MAF: variants seen among roughly 807,000 people sequenced by gnomAD.
MAF encodes the protein transcription factor Maf.
In MAF, 10 loss-of-function variants were observed where a neutral mutation model predicts 22.0. The observed-to-expected ratio is 0.45, with a 90% confidence interval of 0.28 to 0.77. MAF has a LOEUF of 0.77. Among genes scored for constraint, MAF ranks in the 30% least tolerant of loss-of-function variants. The pLI, the probability that MAF is intolerant of heterozygous loss-of-function variation, is 0.12. For synonymous variants in MAF, 337 were observed against 255.8 expected, an observed-to-expected ratio of 1.32 and a Z score of -3.03; for missense variants, 544 against 548.4, an observed-to-expected ratio of 0.99 and a Z score of 0.08.
At chr16:79,487,348 G>A in the MAF span, among the ~76,000 whole-genome samples, 3 of 152,076 alleles carry the variant, frequency 2.0e-5, no homozygotes, top group Non-Finnish European at 4.4e-5. Context: ...AGCCCTCTTG[G>A]GTGTTGAGAA....
the MAF span, among the ~76,000 whole-genome samples, chr16:79,303,241 A>G: frequency 1.3e-5 from 2 of 152,192 alleles, no homozygotes; most frequent in African/African-American, 4.8e-5. Context: ...TACACCTGTC[A>G]TTGTACTGTA....
At chr16:79,373,761 C>A in the MAF span, among the ~76,000 whole-genome samples, 55 of 152,272 alleles carry the variant, frequency 3.6e-4, no homozygotes, top group African/African-American at 1.2e-3. Context: ...CTGCCCCAGA[C>A]TCTGCAAAGT....
At chr16:79,551,352 T>C in the MAF span, among the ~76,000 whole-genome samples, 2 of 152,328 alleles carry the variant, frequency 1.3e-5, no homozygotes, top group Admixed American at 6.5e-5. Context: ...TTCTCTGATA[T>C]GGAGTCTTTC....
At chr16:79,385,390 T>A in the MAF span, among the ~76,000 whole-genome samples, 1 of 152,248 alleles carries the variant, frequency 6.6e-6, no homozygotes, top group African/African-American at 2.4e-5. Context: ...AAAATTCATT[T>A]CATTTTTTAT....
At chr16:79,461,828 C>T in the MAF span, among the ~76,000 whole-genome samples, 1 of 152,106 alleles carries the variant, frequency 6.6e-6, no homozygotes, top group Non-Finnish European at 1.5e-5. Context: ...TGCCAGTTTT[C>T]CACTTCCTTT....
the MAF span, among the ~76,000 whole-genome samples, chr16:79,243,387 G>A: frequency 6.6e-6 from 1 of 151,748 alleles, no homozygotes; most frequent in East Asian, 1.9e-4. Flanking sequence ...AGGGGATATC[G>A]CCACTGATCC....
the MAF span, among the ~76,000 whole-genome samples, chr16:79,370,950 C>T: frequency 6.6e-6 from 1 of 152,164 alleles, no homozygotes; most frequent in East Asian, 1.9e-4. Context: ...TAACAATCCA[C>T]CTCAAGACTT....
At chr16:79,585,877 T>C in exon 2 of MAF, 1 of 663,656 alleles carries the variant, frequency 1.5e-6, no homozygotes, top group East Asian at 2.8e-5. Context: ...AATCAAGATG[T>C]ACCTCTTTGA....
At chr16:79,300,284 C>T in the MAF span, among the ~76,000 whole-genome samples, 9 of 152,106 alleles carry the variant, frequency 5.9e-5, no homozygotes, top group Non-Finnish European at 1.0e-4. Context: ...TGACCAGGCG[C>T]GGTGGCTCAC....
chr16:79,245,847 C>T, the MAF span, among the ~76,000 whole-genome samples: 3 of 152,024 alleles, frequency 2.0e-5, no homozygotes, highest in African/African-American at 7.2e-5. Context: ...GAAAATGTGG[C>T]ACATACACAC....
the MAF span, chr16:79,212,036 G>T: frequency 2.0e-6 from 3 of 1,536,264 alleles, no homozygotes; most frequent in Non-Finnish European, 2.6e-6. Context: ...TCTGGTGGTG[G>T]CCTGTTTGAA....
At chr16:79,298,521 T>A in the MAF span, among the ~76,000 whole-genome samples, 1 of 152,194 alleles carries the variant, frequency 6.6e-6, no homozygotes. Context: ...GGAGGGTCAT[T>A]CCTAGCTGAA....
At chr16:79,402,356 A>T in the MAF span, among the ~76,000 whole-genome samples, 2 of 152,208 alleles carry the variant, frequency 1.3e-5, no homozygotes, top group Admixed American at 1.3e-4. Flanking sequence ...CAGGAGACAG[A>T]TTCTGCTGGC....
chr16:79,446,024 G>C, the MAF span, among the ~76,000 whole-genome samples: 1 of 152,054 alleles, frequency 6.6e-6, no homozygotes, highest in Non-Finnish European at 1.5e-5. Flanking sequence ...ACCTGGCTTA[G>C]GGGTCAATGA....
At chr16:79,534,197 T>G in the MAF span, among the ~76,000 whole-genome samples, 1 of 152,234 alleles carries the variant, frequency 6.6e-6, no homozygotes, top group African/African-American at 2.4e-5. Flanking sequence ...ACTGTAAATT[T>G]GGTTTACACC....
chr16:79,221,500 T>C, the MAF span, among the ~76,000 whole-genome samples: 2 of 152,232 alleles, frequency 1.3e-5, no homozygotes, highest in Non-Finnish European at 2.9e-5. Flanking sequence ...TATCTCATGT[T>C]CAATCTGAAT....
At chr16:79,395,272 G>T in the MAF span, among the ~76,000 whole-genome samples, 1 of 152,184 alleles carries the variant, frequency 6.6e-6, no homozygotes, top group Non-Finnish European at 1.5e-5. Flanking sequence ...CAACAGAAAG[G>T]GTTATCTCCA....
chr16:79,234,577 A>G, the MAF span, among the ~76,000 whole-genome samples: 1 of 152,110 alleles, frequency 6.6e-6, no homozygotes, highest in South Asian at 2.1e-4. Flanking sequence ...CCCATTTTGC[A>G]AAAGTCGGCT....
the MAF span, among the ~76,000 whole-genome samples, chr16:79,253,206 C>T: frequency 0.032 from 4,924 of 152,204 alleles, 80 homozygotes; most frequent in African/African-American, 0.029. Flanking sequence ...GATCCTGGGC[C>T]TGTTTTGGCA....
Sources: gnomAD v4.1 joint callset for allele counts (sites outside exome capture counted in the v4.1 genomes callset) on GRCh38, gnomAD v4.1.1 for gene constraint, MANE v1.5 for transcripts, NCBI Gene and HGNC (gene_info 2026-07-23, HGNC 2026-07-21) for gene names.